The following LDHAL6A variants were observed in gnomAD, a reference collection of about 807,000 sequenced individuals.
The protein encoded by LDHAL6A is lactate dehydrogenase A like 6A, also known as L-lactate dehydrogenase A-like 6A.
Under a neutral mutation model 28.2 loss-of-function variants are expected in LDHAL6A, and 19 were observed. The ratio of observed to expected loss-of-function variants is 0.67; its 90% CI spans 0.47 to 0.99. The LOEUF (loss-of-function observed/expected upper bound fraction) is 0.99. LDHAL6A is among the 50% of genes least tolerant of loss of function. The pLI is 0.00. For synonymous variants in LDHAL6A, 144 were observed against 134.4 expected (o/e 1.07, Z -0.49); for missense variants, 372 against 398.6 (o/e 0.93, Z 0.57).
At chr11:18,465,860 G>A (rs764455748) in intron 3 of LDHAL6A, 50 bp downstream of exon 3, 1 of 1,433,980 alleles carries the variant, frequency 7.0e-7, no homozygotes, top group Non-Finnish European at 9.7e-7. Context: ...GGGGTACACT[G>A]TGTAGGTTCA....
chr11:18,463,131 T>G (rs1402648774), intron 1 of LDHAL6A, among the ~76,000 whole-genome samples: 2 of 152,186 alleles, frequency 1.3e-5, no homozygotes, highest in Non-Finnish European at 2.9e-5. Flanking sequence ...GGTTTGAATG[T>G]TTGTCCCCTC....
intron 3 of LDHAL6A, among the ~76,000 whole-genome samples, chr11:18,469,587 T>G (rs967345910): frequency 1.1e-4 from 17 of 152,320 alleles, no homozygotes; most frequent in African/African-American, 3.4e-4. Context: ...AATAAAAAAA[T>G]CTCAATCTCA....
intron 1 of LDHAL6A, among the ~76,000 whole-genome samples, chr11:18,462,420 T>G (rs12808153): frequency 0.071 from 10,778 of 151,274 alleles, 437 homozygotes; most frequent in Non-Finnish European, 0.083. Flanking sequence ...GGCGGATCAC[T>G]AGGTCAGGAG....
chr11:18,477,790 G>T (rs572037130), intron 6 of LDHAL6A, 47 bp downstream of exon 6: 2 of 1,546,102 alleles, frequency 1.3e-6, no homozygotes, highest in South Asian at 1.2e-5. Flanking sequence ...ATAAAATAGG[G>T]GGGTAAAGAA....
At chr11:18,477,887 G>A (rs545633434) in intron 6 of LDHAL6A, 144 bp downstream of exon 6, 4 of 671,072 alleles carry the variant, frequency 6.0e-6, no homozygotes, top group Non-Finnish European at 9.5e-6. Context: ...GAAGAGTGGG[G>A]AGATTGGGGA....
chr11:18,471,762 TA>T (rs755779286), intron 3 of LDHAL6A, among the ~76,000 whole-genome samples: 2,747 of 118,994 alleles, frequency 0.023, 69 homozygotes, highest in African/African-American at 0.073. Flanking sequence ...CTGTCTCTAT[TA>T]AAAAAAAAAA....
intron 3 of LDHAL6A, among the ~76,000 whole-genome samples, chr11:18,474,647 A>G (rs1220139398): frequency 6.6e-6 from 1 of 152,090 alleles, no homozygotes; most frequent in African/African-American, 2.4e-5. Flanking sequence ...TCGGCCTCCC[A>G]AAGTAATGGG....
intron 1 of LDHAL6A, among the ~76,000 whole-genome samples, chr11:18,458,478 T>C (rs1326329869): frequency 1.3e-5 from 2 of 152,228 alleles, no homozygotes; most frequent in Non-Finnish European, 2.9e-5. Context: ...TGAATTCTAG[T>C]ATGTTGCTAA....
intron 1 of LDHAL6A, among the ~76,000 whole-genome samples, chr11:18,463,716 T>G (rs2133868306): frequency 6.6e-6 from 1 of 152,350 alleles, no homozygotes; most frequent in South Asian, 2.1e-4. Flanking sequence ...CAGAGATTGT[T>G]CTATTTACTA....
At chr11:18,464,512 C>T (rs777751480) in intron 2 of LDHAL6A, among the ~76,000 whole-genome samples, 21 of 152,144 alleles carry the variant, frequency 1.4e-4, no homozygotes, top group Non-Finnish European at 2.9e-4. Flanking sequence ...GTTGGGAGTT[C>T]GAGACCAGCC....
chr11:18,475,073 TCTA>T (rs2133889200), intron 3 of LDHAL6A: 1 of 160,618 alleles, frequency 6.2e-6, no homozygotes, highest in Non-Finnish European at 1.4e-5. Flanking sequence ...AAACCCCACC[TCTA>T]CTAAAGATTA....
intron 1 of LDHAL6A, among the ~76,000 whole-genome samples, chr11:18,458,084 T>C (rs1053637727): frequency 2.6e-5 from 4 of 152,186 alleles, no homozygotes; most frequent in Non-Finnish European, 5.9e-5. Flanking sequence ...CTGGAACTCC[T>C]ACCTCTGCCA....
rs1163548293 is a variant in LDHAL6A at position 18,476,383 on chromosome 11, G to T, written c.593-1G>T. ...TGGGATTTTGGGTGTCTCTTTCTTA[G>T]TTCCTGTGTGGAGTGGTGTGAACAT... On this transcript the variant is annotated splice_acceptor_variant, in intron 4 of 6. Transcript: ENST00000280706. LOFTEE classifies it high-confidence loss of function. 1 of 1,611,550 alleles carries T rather than the reference G, an allele frequency of 6.2e-7. No individual in the cohort carries two copies.
chr11:18,466,162 G>T (rs553281162), intron 3 of LDHAL6A, among the ~76,000 whole-genome samples: 1 of 152,202 alleles, frequency 6.6e-6, no homozygotes, highest in Admixed American at 6.5e-5. Flanking sequence ...TGTTTTTTAT[G>T]GCTGCATAGG....
chr11:18,468,107 A>G (rs1849167834), intron 3 of LDHAL6A, among the ~76,000 whole-genome samples: 2 of 143,356 alleles, frequency 1.4e-5, no homozygotes. Context: ...TAGCATTTCC[A>G]TATGAATTTA....
At chr11:18,467,967 ACG>A (rs1449422548) in intron 3 of LDHAL6A, among the ~76,000 whole-genome samples, 817 of 16,344 alleles carry the variant, frequency 0.05, 77 homozygotes, top group East Asian at 0.25. Flanking sequence ...GTATATATAT[ACG>A]TATATATATA....
intron 2 of LDHAL6A, among the ~76,000 whole-genome samples, chr11:18,464,977 G>GTTTTTTTGTTTTTTTTTTTTTTTTTTT (rs1565068683): frequency 4.0e-5 from 5 of 125,488 alleles, no homozygotes; most frequent in East Asian, 2.0e-4. Flanking sequence ...TGTTTTTTTT[G>GTTTTTTTGTTTTTTTTTTTTTTTTTTT]TTTTTTTTTG....
chr11:18,463,341 G>T (rs981457241), intron 1 of LDHAL6A, among the ~76,000 whole-genome samples: 8 of 152,144 alleles, frequency 5.3e-5, no homozygotes, highest in African/African-American at 1.9e-4. Flanking sequence ...GTGATGCCCT[G>T]TGCTGCCTTG....
chr11:18,475,756 T>C, intron 4 of LDHAL6A, 117 bp downstream of exon 4: 1 of 726,516 alleles, frequency 1.4e-6, no homozygotes, highest in Non-Finnish European at 2.1e-6. Flanking sequence ...TTTAGGCCCT[T>C]TTAGTAGCGT....
Sources: allele counts gnomAD v4.1 joint callset (sites outside exome capture counted in the v4.1 genomes callset), GRCh38; gene constraint gnomAD v4.1.1; transcripts MANE v1.5; gene names NCBI Gene and HGNC (gene_info 2026-07-23, HGNC 2026-07-21).